The following LGR5 variants were observed in gnomAD, a reference collection of about 807,000 sequenced individuals.
LGR5 encodes leucine-rich repeat-containing G protein-coupled receptor 5.
Under a neutral mutation model 76.7 loss-of-function variants are expected in LGR5, and 54 were observed. The observed-to-expected ratio is 0.70, with a 90% CI of 0.57 to 0.88. The LOEUF is 0.88. Among genes scored for constraint, LGR5 ranks in the 40% least tolerant of loss-of-function variants. The pLI is 0.00. For synonymous variants in LGR5, 406 were observed against 421.9 expected (o/e 0.96, Z 0.46); for missense variants, 1,078 against 1,073.3 (o/e 1.00, Z -0.06).
At chr12:71,459,154 C>A (rs898007648) in intron 1 of LGR5, among the ~76,000 whole-genome samples, 1 of 151,990 alleles carries the variant, frequency 6.6e-6, no homozygotes, top group Non-Finnish European at 1.5e-5. Context: ...AGGCAGAATC[C>A]TCCTGTGAGA....
At position 71,584,560 on chromosome 12, in the gene LGR5, G is replaced by A; in HGVS notation, c.2550G>A (p.Met850Ile). 9 of 1,614,064 alleles carry A rather than the reference G, an allele frequency of 5.6e-6. No homozygotes were observed. The South Asian group carries it at 6.6e-5, about 12-fold the overall frequency. Reference sequence around the variant, plus strand: ...CAAGATCAAAACACCCAAGCTTGATGTCAATTAACTCTGATGATGTCGAAA... The same window carrying A: ...CAAGATCAAAACACCCAAGCTTGATATCAATTAACTCTGATGATGTCGAAA... Reference protein sequence around the residue: ...VWTRSKHPSLMSINSDDVEKQ... With the variant: ...VWTRSKHPSLISINSDDVEKQ... Residue 850 changes from methionine to isoleucine, a missense_variant, in exon 18 of 18, where the codon ATG becomes ATA. Physicochemically the swap from Met to Ile is conservative, Grantham distance 10. Coordinates refer to ENST00000266674, the MANE Select transcript of LGR5 (RefSeq NM_003667.4).
chr12:71,536,686 G>A (rs140313459), intron 4 of LGR5, among the ~76,000 whole-genome samples: 58 of 152,296 alleles, frequency 3.8e-4, no homozygotes, highest in African/African-American at 1.3e-3. Flanking sequence ...AAGGATAAGA[G>A]TTTGTAACCA....
intron 2 of LGR5, among the ~76,000 whole-genome samples, chr12:71,506,412 A>C (rs1354152169): frequency 6.6e-6 from 1 of 152,174 alleles, no homozygotes; most frequent in Non-Finnish European, 1.5e-5. Context: ...CAACTCATTC[A>C]AAATAACTCC....
intron 1 of LGR5, among the ~76,000 whole-genome samples, chr12:71,483,654 CT>C (rs1389609503): frequency 6.6e-6 from 1 of 152,168 alleles, no homozygotes. Context: ...GACTCTGCTG[CT>C]TACTGCCGTG....
intron 3 of LGR5, among the ~76,000 whole-genome samples, chr12:71,531,017 G>A (rs959110110): frequency 7.0e-6 from 1 of 143,692 alleles, no homozygotes; most frequent in African/African-American, 2.5e-5. Context: ...AAAAAAAGTG[G>A]GGGAGGGACC....
At chr12:71,566,556 T>G in intron 9 of LGR5, 76 bp from the exon 10 acceptor site, 1 of 1,513,178 alleles carries the variant, frequency 6.6e-7, no homozygotes, top group South Asian at 1.1e-5. Context: ...TAGGTTGAAG[T>G]GCTTTGAAAA....
chr12:71,502,193 CTT>C (rs776486573), intron 1 of LGR5, among the ~76,000 whole-genome samples: 7 of 123,146 alleles, frequency 5.7e-5, no homozygotes, highest in Admixed American at 8.4e-5. Context: ...AGGTACTTTC[CTT>C]TTTTTTTTTT....
intron 6 of LGR5, among the ~76,000 whole-genome samples, chr12:71,557,174 A>T (rs1390082266): frequency 6.6e-6 from 1 of 152,174 alleles, no homozygotes; most frequent in East Asian, 1.9e-4. Context: ...TAATCCTAAC[A>T]CTTGGGAAGC....
At chr12:71,552,149 C>T (rs923276533) in intron 4 of LGR5, among the ~76,000 whole-genome samples, 2 of 152,022 alleles carry the variant, frequency 1.3e-5, no homozygotes, top group Admixed American at 6.6e-5. Flanking sequence ...GGCTTAAAAC[C>T]TAGATGATGT....
At chr12:71,546,749 G>T (rs2137395386) in intron 4 of LGR5, among the ~76,000 whole-genome samples, 1 of 152,280 alleles carries the variant, frequency 6.6e-6, no homozygotes, top group South Asian at 2.1e-4. Context: ...AGGGCCTCCA[G>T]TCAGAAAGCC....
chr12:71,471,405 C>A (rs1033876624), intron 1 of LGR5, among the ~76,000 whole-genome samples: 4 of 152,134 alleles, frequency 2.6e-5, no homozygotes, highest in Non-Finnish European at 5.9e-5. Flanking sequence ...ATAGGCAAAT[C>A]TATTCTGACA....
intron 4 of LGR5, among the ~76,000 whole-genome samples, chr12:71,543,693 T>C (rs567889954): frequency 5.3e-5 from 8 of 152,318 alleles, no homozygotes; most frequent in Non-Finnish European, 1.0e-4. Context: ...GCCTACAGGA[T>C]TAATTGAAGA....
At chr12:71,578,406 A>G (rs890950395) in intron 14 of LGR5, among the ~76,000 whole-genome samples, 1 of 152,136 alleles carries the variant, frequency 6.6e-6, no homozygotes, top group Admixed American at 6.5e-5. Context: ...TATCTAACAA[A>G]GAAAGAAGAA....
intron 2 of LGR5, among the ~76,000 whole-genome samples, chr12:71,516,171 T>A (rs1052176206): frequency 2.0e-5 from 3 of 152,258 alleles, no homozygotes; most frequent in African/African-American, 4.8e-5. Context: ...AATTTTTTTT[T>A]AAATTTGAGC....
chr12:71,583,982 G>A lies in LGR5; in HGVS notation c.1972G>A (p.Ala658Thr). Residue 658 changes from alanine (A) to threonine (T), a missense_variant, in exon 18 of 18, where the codon GCA becomes ACA. Physicochemically the swap from Ala to Thr is moderately conservative, Grantham distance 58. Coordinates refer to ENST00000266674, the MANE Select transcript of LGR5 (RefSeq NM_003667.4). ...ATCATCTGTTTTCCTGCTTACTCTG[G>A]CAGCCCTGGAGCGTGGGTTCTCTGT... ...SESSVFLLTLAALERGFSVKY... is the reference protein window; with the variant it reads ...SESSVFLLTLTALERGFSVKY... 1 of 1,614,112 alleles carries A rather than the reference G, an allele frequency of 6.2e-7. No individual in the cohort carries two copies. The highest frequency in any genetic ancestry group is 8.5e-7 in the Non-Finnish European group (1 of 1,180,028).
At chr12:71,561,291 A>G (rs1878044389) in intron 7 of LGR5, among the ~76,000 whole-genome samples, 1 of 152,232 alleles carries the variant, frequency 6.6e-6, no homozygotes, top group African/African-American at 2.4e-5. Flanking sequence ...GATGACAATC[A>G]GCTTATAACT....
intron 6 of LGR5, among the ~76,000 whole-genome samples, chr12:71,559,040 G>A (rs1877921103): frequency 6.6e-6 from 1 of 152,132 alleles, no homozygotes; most frequent in African/African-American, 2.4e-5. Context: ...AGATTACCCT[G>A]TCTCACATAA....
At chr12:71,578,201 G>C (rs1283131008) in intron 14 of LGR5, among the ~76,000 whole-genome samples, 1 of 152,152 alleles carries the variant, frequency 6.6e-6, no homozygotes, top group Non-Finnish European at 1.5e-5. Context: ...TTGAAGATTT[G>C]GGTGACACCT....
intron 1 of LGR5, among the ~76,000 whole-genome samples, chr12:71,447,936 T>G (rs1038630851): frequency 6.6e-6 from 1 of 152,208 alleles, no homozygotes; most frequent in African/African-American, 2.4e-5. Context: ...GAAATTAAGC[T>G]TTCCTCAAGT....
Sources: gnomAD v4.1 joint callset for allele counts (sites outside exome capture counted in the v4.1 genomes callset) on GRCh38, gnomAD v4.1.1 for gene constraint, MANE v1.5 for transcripts, NCBI Gene and HGNC (gene_info 2026-07-23, HGNC 2026-07-21) for gene names.